The following UMAD1 variants were observed in gnomAD, a reference collection of about 807,000 sequenced individuals.
UMAD1 encodes UBAP1-MVB12-associated (UMA)-domain containing protein 1.
In UMAD1, 8 loss-of-function variants were observed where a neutral mutation model predicts 6.1. The ratio of observed to expected loss-of-function variants is 1.30; its 90% CI spans 0.76 to 2.35. The LOEUF (loss-of-function observed/expected upper bound fraction) is 2.35, where lower values mean the gene tolerates loss of function less well. Ranked by LOEUF, UMAD1 falls within the 30% of genes most tolerant of loss-of-function variation. The pLI, the probability that UMAD1 is intolerant of heterozygous loss-of-function variation, is 0.00. For synonymous variants in UMAD1, 56 were observed against 31.4 expected (o/e 1.78, Z -2.61); for missense variants, 130 against 78.4 (o/e 1.66, Z -2.49).
chr7:7,775,556 AT>A (rs1452617414), intron 2 of UMAD1, among the ~76,000 whole-genome samples: 6 of 152,198 alleles, frequency 3.9e-5, no homozygotes, highest in African/African-American at 1.4e-4. Context: ...ACCTCTATAA[AT>A]TACCCAGTCT....
At chr7:7,762,990 C>T (rs1257490253) in intron 2 of UMAD1, among the ~76,000 whole-genome samples, 1 of 151,976 alleles carries the variant, frequency 6.6e-6, no homozygotes, top group Non-Finnish European at 1.5e-5. Context: ...ATTAAATAAA[C>T]AATGATATAA....
At chr7:7,865,482 G>A (rs533724252) in intron 3 of UMAD1, among the ~76,000 whole-genome samples, 2 of 152,240 alleles carry the variant, frequency 1.3e-5, no homozygotes, top group African/African-American at 4.8e-5. Context: ...AAGGGGTGGA[G>A]GAGAAGGCCA....
chr7:7,678,151 G>A (rs1282685507), intron 2 of UMAD1, among the ~76,000 whole-genome samples: 1 of 148,944 alleles, frequency 6.7e-6, no homozygotes, highest in African/African-American at 2.5e-5. Context: ...TAGTTTTTTT[G>A]AGGAATCTCC....
chr7:7,742,755 C>T (rs746534255), intron 2 of UMAD1, among the ~76,000 whole-genome samples: 8 of 152,154 alleles, frequency 5.3e-5, no homozygotes, highest in Non-Finnish European at 1.0e-4. Context: ...GAGAAAGTTA[C>T]TATTGCTTGA....
At chr7:7,814,114 G>A (rs1408162259) in intron 3 of UMAD1, among the ~76,000 whole-genome samples, 2 of 151,984 alleles carry the variant, frequency 1.3e-5, no homozygotes, top group Non-Finnish European at 1.5e-5. Context: ...CTCCCAAGTA[G>A]CTGGGACTAC....
At chr7:7,770,816 T>G (rs1472085076) in intron 2 of UMAD1, among the ~76,000 whole-genome samples, 2 of 152,110 alleles carry the variant, frequency 1.3e-5, no homozygotes, top group East Asian at 1.9e-4. Context: ...TCTGGAAGTG[T>G]TGAGGTGAAC....
intron 2 of UMAD1, chr7:7,736,124 G>A (rs1402273008): frequency 6.6e-6 from 1 of 152,198 alleles, no homozygotes; most frequent in African/African-American, 2.4e-5. Flanking sequence ...CATTCTCTTG[G>A]GACAAAGGCC....
chr7:7,807,623 C>A (rs988227626), intron 3 of UMAD1, among the ~76,000 whole-genome samples: 1 of 151,966 alleles, frequency 6.6e-6, no homozygotes, highest in Admixed American at 6.6e-5. Flanking sequence ...TAAAAAAGAT[C>A]TGGTTTGGGC....
chr7:7,763,022 G>A (rs1215805214), intron 2 of UMAD1, among the ~76,000 whole-genome samples: 1 of 152,046 alleles, frequency 6.6e-6, no homozygotes, highest in East Asian at 1.9e-4. Flanking sequence ...TATGTTTATG[G>A]AAACCTAGTA....
At chr7:7,751,623 G>C (rs1011817727) in intron 2 of UMAD1, among the ~76,000 whole-genome samples, 1 of 152,152 alleles carries the variant, frequency 6.6e-6, no homozygotes, top group Non-Finnish European at 1.5e-5. Flanking sequence ...CAAACACCCA[G>C]CTCCTCCTGG....
chr7:7,789,914 T>C (rs1013229342), intron 2 of UMAD1, among the ~76,000 whole-genome samples: 1 of 152,170 alleles, frequency 6.6e-6, no homozygotes, highest in Non-Finnish European at 1.5e-5. Flanking sequence ...TGAACATGGG[T>C]GTATGTTCAG....
chr7:7,831,783 T>A (rs1783471695), intron 3 of UMAD1, among the ~76,000 whole-genome samples: 2 of 152,208 alleles, frequency 1.3e-5, no homozygotes, highest in Admixed American at 1.3e-4. Context: ...AGGATCACGA[T>A]GAAAGGTATT....
At chr7:7,709,992 G>A (rs190153713) in intron 2 of UMAD1, among the ~76,000 whole-genome samples, 4 of 152,030 alleles carry the variant, frequency 2.6e-5, no homozygotes, top group African/African-American at 9.7e-5. Flanking sequence ...TTTCATATGT[G>A]TAGTTTTGTA....
intron 3 of UMAD1, among the ~76,000 whole-genome samples, chr7:7,850,731 G>A (rs1783898815): frequency 6.7e-6 from 1 of 150,146 alleles, no homozygotes; most frequent in African/African-American, 2.4e-5. Flanking sequence ...GGAAGAGCTT[G>A]ATATTTTTCA....
chr7:7,668,298 A>G (rs1178365971), intron 1 of UMAD1, among the ~76,000 whole-genome samples: 2 of 152,180 alleles, frequency 1.3e-5, no homozygotes, highest in East Asian at 1.9e-4. Flanking sequence ...TAGAGCATAC[A>G]GTAGTCCCCC....
chr7:7,855,355 G>T (rs184666665), intron 3 of UMAD1, among the ~76,000 whole-genome samples: 1 of 152,262 alleles, frequency 6.6e-6, no homozygotes, highest in Non-Finnish European at 1.5e-5. Flanking sequence ...GCAAACTTCT[G>T]TCTGGACATC....
At chr7:7,705,903 T>C (rs1002224613) in intron 2 of UMAD1, among the ~76,000 whole-genome samples, 1 of 152,138 alleles carries the variant, frequency 6.6e-6, no homozygotes, top group Non-Finnish European at 1.5e-5. Context: ...AGGAGTTATA[T>C]GGGAATTCTC....
At chr7:7,665,014 T>TAC (rs563963870) in intron 1 of UMAD1, among the ~76,000 whole-genome samples, 136 of 148,058 alleles carry the variant, frequency 9.2e-4, no homozygotes, top group Middle Eastern at 3.7e-3. Flanking sequence ...TATATATATA[T>TAC]ACACACACAC....
intron 1 of UMAD1, among the ~76,000 whole-genome samples, chr7:7,666,051 A>G (rs562371593): frequency 1.3e-5 from 2 of 152,238 alleles, no homozygotes; most frequent in South Asian, 2.1e-4. Flanking sequence ...TATGGTGGAT[A>G]TATGTTTATG....
Sources: allele counts gnomAD v4.1 joint callset (sites outside exome capture counted in the v4.1 genomes callset), GRCh38; gene constraint gnomAD v4.1.1; transcripts MANE v1.5; gene names NCBI Gene and HGNC (gene_info 2026-07-23, HGNC 2026-07-21).